CSMD1: variants seen among roughly 807,000 people sequenced by gnomAD.
CSMD1 encodes CUB and Sushi multiple domains 1, also known as CUB and sushi domain-containing protein 1.
CSMD1 carries 213 observed loss-of-function variants against 417.5 expected under a neutral mutation model. That is an observed-to-expected ratio of 0.51 (90% CI 0.46 to 0.57). CSMD1 has a LOEUF of 0.57. Ranked by LOEUF, CSMD1 falls within the 20% of genes least tolerant of loss-of-function variation. The pLI is 0.00. For missense variants in CSMD1, 6,923 were observed against 4,529.7 expected, an observed-to-expected ratio of 1.53 and a Z score of -15.17; for synonymous variants, 2,862 against 1,736.8, an observed-to-expected ratio of 1.65 and a Z score of -16.11.
At chr8:3,382,711 C>A (rs563074776) in intron 18 of CSMD1, among the ~76,000 whole-genome samples, 6 of 150,754 alleles carry the variant, frequency 4.0e-5, no homozygotes, top group South Asian at 4.2e-4. Flanking sequence ...ATTAGTGTTG[C>A]ATTTCTTCTC....
At chr8:3,447,817 G>T (rs1457204073) in intron 12 of CSMD1, among the ~76,000 whole-genome samples, 1 of 152,106 alleles carries the variant, frequency 6.6e-6, no homozygotes, top group African/African-American at 2.4e-5. Context: ...GACCACTTGG[G>T]GCCATTTTTG....
chr8:4,592,646 C>G (rs1800050684), intron 2 of CSMD1, among the ~76,000 whole-genome samples: 1 of 152,162 alleles, frequency 6.6e-6, no homozygotes, highest in South Asian at 2.1e-4. Flanking sequence ...CTTGGCCTCC[C>G]AAAGTGCTAG....
chr8:3,679,269 T>C (rs184498014), intron 7 of CSMD1, among the ~76,000 whole-genome samples: 1 of 152,098 alleles, frequency 6.6e-6, no homozygotes, highest in African/African-American at 2.4e-5. Flanking sequence ...GACCCATCAG[T>C]GTGTTGTATT....
chr8:3,565,367 G>C (rs933081554), intron 10 of CSMD1, among the ~76,000 whole-genome samples: 23 of 152,026 alleles, frequency 1.5e-4, no homozygotes, highest in African/African-American at 5.6e-4. Flanking sequence ...CACGGGGAAA[G>C]GTCTGATTGA....
At position 3,091,622 on chromosome 8, in the gene CSMD1, C is replaced by T; in HGVS notation, c.7179G>A (p.Gly2393=). The T allele has an allele frequency of 6.2e-7, 1 of 1,611,640 alleles. No individual in the cohort carries two copies. The highest frequency in any genetic ancestry group is 8.5e-7 in the Non-Finnish European group (1 of 1,179,368). ...TAAAATTTGATTGTTCAGTATGATT[C>T]CCACTTAAGACTACTAGCAGAGGAC... ...GQSPLLVVLS[G]NHTEQSNFTS... Residue 2393 remains glycine, a synonymous_variant, in exon 48 of 70, where the codon GGG becomes GGA. Coordinates refer to ENST00000635120, the MANE Select transcript of CSMD1 (RefSeq NM_033225.6).
At chr8:4,961,004 G>A (rs1809441784) in intron 1 of CSMD1, among the ~76,000 whole-genome samples, 1 of 152,054 alleles carries the variant, frequency 6.6e-6, no homozygotes, top group Non-Finnish European at 1.5e-5. Context: ...TCATAGATGA[G>A]CATTTTACTC....
chr8:4,748,041 A>G (rs1300184782), intron 1 of CSMD1, among the ~76,000 whole-genome samples: 2 of 152,368 alleles, frequency 1.3e-5, no homozygotes, highest in African/African-American at 4.8e-5. Context: ...GTAGAAGTAG[A>G]AATAAAAACA....
intron 52 of CSMD1, among the ~76,000 whole-genome samples, chr8:3,012,480 G>C (rs1808469171): frequency 6.6e-6 from 1 of 152,138 alleles, no homozygotes; most frequent in South Asian, 2.1e-4. Flanking sequence ...GAGTCATGTT[G>C]CGATGAAACT....
At chr8:4,588,995 A>G (rs1468064281) in intron 2 of CSMD1, among the ~76,000 whole-genome samples, 1 of 152,170 alleles carries the variant, frequency 6.6e-6, no homozygotes, top group African/African-American at 2.4e-5. Flanking sequence ...TATACATTAT[A>G]TAAACACGTT....
At chr8:4,228,868 G>T (rs139192801) in intron 3 of CSMD1, among the ~76,000 whole-genome samples, 1 of 151,922 alleles carries the variant, frequency 6.6e-6, no homozygotes, top group Non-Finnish European at 1.5e-5. Flanking sequence ...TTTTAGTAGA[G>T]ACCGGCTTTC....
chr8:3,988,089 T>C (rs186613087), intron 5 of CSMD1, among the ~76,000 whole-genome samples: 36 of 152,340 alleles, frequency 2.4e-4, no homozygotes, highest in East Asian at 9.6e-4. Context: ...TGTTGAAATA[T>C]TGTGATTTTT....
chr8:3,520,020 CTA>C lies in CSMD1; in HGVS notation c.1345-26296_1345-26295del, dbSNP rs33939239. On this transcript the variant is annotated intron_variant, in intron 10 of 69. Transcript: ENST00000635120. ...TATATATGTGTGTGTGTGTATATAC[CTA>C]TATATATATATATATATACACGTAT... is the stretch of plus-strand genomic sequence containing the variant. Among the ~76,000 whole-genome samples the C allele has an allele frequency of 3.3e-3, 449 of 137,060 alleles. 2 individuals are homozygous for C. The highest frequency in any genetic ancestry group is 0.028 in the East Asian group (134 of 4,834). The allele number at this position is 137,060 out of a possible 152,430, so 89.9% of individuals were successfully genotyped here.
intron 3 of CSMD1, among the ~76,000 whole-genome samples, chr8:4,199,077 T>C (rs1180942642): frequency 2.0e-5 from 3 of 152,148 alleles, no homozygotes; most frequent in South Asian, 2.1e-4. Flanking sequence ...CCTGAGGTAG[T>C]AGAGCCAGCG....
intron 1 of CSMD1, among the ~76,000 whole-genome samples, chr8:4,701,813 A>G (rs1378341521): frequency 6.6e-6 from 1 of 152,184 alleles, no homozygotes; most frequent in East Asian, 1.9e-4. Context: ...GCATAATCTC[A>G]TATTTACTCT....
chr8:3,425,237 T>C (rs1047294414), intron 12 of CSMD1, among the ~76,000 whole-genome samples: 3 of 152,176 alleles, frequency 2.0e-5, no homozygotes, highest in African/African-American at 2.4e-5. Context: ...GTTTCAGGCA[T>C]CCACTGGGGG....
intron 10 of CSMD1, among the ~76,000 whole-genome samples, chr8:3,565,008 A>AAGGTATGTGC (rs59375270): frequency 2.0e-5 from 3 of 150,822 alleles, no homozygotes; most frequent in African/African-American, 7.3e-5. Context: ...AGGTGATGGG[A>AAGGTATGTGC]AGCAAAGCAC....
At chr8:4,553,000 A>C (rs1585240300) in intron 2 of CSMD1, among the ~76,000 whole-genome samples, 1 of 152,266 alleles carries the variant, frequency 6.6e-6, no homozygotes, top group East Asian at 1.9e-4. Flanking sequence ...CTGCTTGGTG[A>C]CATTTCACCG....
At chr8:4,906,034 T>C (rs371067515) in intron 1 of CSMD1, among the ~76,000 whole-genome samples, 37 of 152,166 alleles carry the variant, frequency 2.4e-4, no homozygotes, top group African/African-American at 8.7e-4. Context: ...ATAGAAAGCA[T>C]ATTAAAAAAT....
At chr8:4,958,049 A>C (rs1809237446) in intron 1 of CSMD1, among the ~76,000 whole-genome samples, 1 of 152,178 alleles carries the variant, frequency 6.6e-6, no homozygotes, top group Non-Finnish European at 1.5e-5. Context: ...TTTAGCATTC[A>C]TTTGATAAGA....
Sources: gnomAD v4.1 joint callset for allele counts (sites outside exome capture counted in the v4.1 genomes callset) on GRCh38, gnomAD v4.1.1 for gene constraint, MANE v1.5 for transcripts, NCBI Gene and HGNC (gene_info 2026-07-23, HGNC 2026-07-21) for gene names.